The following AADAT variants were observed in gnomAD, a reference collection of about 807,000 sequenced individuals.
AADAT encodes the protein kynurenine/alpha-aminoadipate aminotransferase, mitochondrial.
AADAT carries 25 observed loss-of-function variants against 56.2 expected under a neutral mutation model. The ratio of observed to expected loss-of-function variants is 0.44; its 90% confidence interval spans 0.32 to 0.62. The LOEUF is 0.62. AADAT is among the 20% of genes least tolerant of loss of function. AADAT has a pLI of 0.04. For missense variants in AADAT, 387 were observed against 510.5 expected, an observed-to-expected ratio of 0.76 and a Z score of 2.33; for synonymous variants, 173 against 164.7, an observed-to-expected ratio of 1.05 and a Z score of -0.39.
upstream of AADAT, among the ~76,000 whole-genome samples, chr4:170,093,132 G>C (rs74703215): frequency 0.068 from 10,410 of 152,132 alleles, 492 homozygotes; most frequent in Non-Finnish European, 0.1. Flanking sequence ...ATACTTAGAA[G>C]AAAATTTAAA....
chr4:170,089,418 G>C lies in AADAT; in HGVS notation c.67+206C>G, dbSNP rs1220592301. On this transcript the variant is annotated intron_variant, in intron 1 of 12. Transcript: ENST00000337664. ...CTGTTGCTCCTACTCTGCTCCAGCA[G>C]AAATACCCGCCTTCCGTTTCAGCCC... The C allele has an allele frequency of 4.8e-6, 3 of 622,824 alleles. No homozygotes were observed. In the Admixed American group the frequency reaches 8.6e-5, roughly 18 times the overall value. 38.6% of individuals were successfully genotyped at this position (622,824 alleles called of 1,614,324 possible). A position where few individuals can be genotyped will look rare whatever the true frequency, so the allele number is the denominator to read the frequency against.
rs1285200473 is a variant in AADAT at position 170,067,371 on chromosome 4, A to G, written c.918T>C (p.Leu306=). The change falls in exon 9 of 13, where the codon CTT becomes CTC. Residue 306 remains leucine, a synonymous_variant. Transcript: ENST00000337664. ...AACCTTCTTCTCCCCATTCGTGTAGAAGCTGTGATATCATGAGCTAAAAGA... is the reference window on the plus strand; with the variant it reads ...AACCTTCTTCTCCCCATTCGTGTAGGAGCTGTGATATCATGAGCTAAAAGA... The part of the protein sequence containing the change: ...STFNQLMISQ[L]LHEWGEEGFM... 9.9e-6 allele frequency: 16 copies of G among 1,613,478 alleles called. No individual in the cohort carries two copies. The highest frequency in any genetic ancestry group is 1.2e-5 in the Non-Finnish European group (14 of 1,179,698).
At chr4:170,065,460 A>T (rs1320456767) in intron 10 of AADAT, among the ~76,000 whole-genome samples, 3 of 151,930 alleles carry the variant, frequency 2.0e-5, no homozygotes, top group Admixed American at 6.6e-5. Flanking sequence ...CTTCAGTACT[A>T]TTATGCAAAG....
intron 2 of AADAT, among the ~76,000 whole-genome samples, chr4:170,088,187 C>T (rs953626335): frequency 4.0e-5 from 6 of 151,810 alleles, no homozygotes; most frequent in African/African-American, 1.2e-4. Flanking sequence ...CTTTGAAAAC[C>T]TTTCCCCAGA....
chr4:170,091,332 C>T (rs999743672), upstream of AADAT, among the ~76,000 whole-genome samples: 1 of 152,136 alleles, frequency 6.6e-6, no homozygotes, highest in African/African-American at 2.4e-5. Context: ...AGCGGCGGGC[C>T]GGCTCCGCCA....
At chr4:170,089,340 C>A in intron 1 of AADAT, 1 of 577,916 alleles carries the variant, frequency 1.7e-6, no homozygotes. Context: ...TTCTTGATAG[C>A]ACGCCCCCTC....
chr4:170,069,269 C>T (rs1201249201), intron 6 of AADAT, 39 bp from the exon 7 acceptor site: 8 of 1,523,464 alleles, frequency 5.3e-6, no homozygotes, highest in Non-Finnish European at 7.3e-6. Context: ...GGTCTGAAAG[C>T]TCTGTTAGTC....
chr4:170,065,896 T>A (rs1731436654), intron 10 of AADAT, among the ~76,000 whole-genome samples: 1 of 152,198 alleles, frequency 6.6e-6, no homozygotes, highest in Non-Finnish European at 1.5e-5. Flanking sequence ...ATCAAAGGCA[T>A]TTTAATAATA....
At position 170,069,236 on chromosome 4, in the gene AADAT, A is replaced by G. The variant is rs1378360386; in HGVS notation, c.721-6T>C. 17 of 1,612,102 alleles carry G rather than the reference A, an allele frequency of 1.1e-5. No homozygotes were observed. In the East Asian group the frequency reaches 3.6e-4, roughly 34 times the overall value. On this transcript the variant is annotated splice_polypyrimidine_tract_variant and splice_region_variant and intron_variant, in intron 6 of 12. Transcript: ENST00000337664. ...AGAAATGTTGGTACCCTGAACTTAA[A>G]ATGAAAAATAAAAAATACTGTTGGT...
chr4:170,089,829 T>G lies in AADAT; in HGVS notation c.-139A>C, dbSNP rs1732748281. ...GATGTGTCCCCCCGCTGCGTCTGGC[T>G]TCCCGCGCGCGGTGCCCGGAGAACG... On this transcript the variant is annotated 5_prime_UTR_variant, in exon 1 of 13. Transcript: ENST00000337664. 14 of 846,312 alleles carry G rather than the reference T, an allele frequency of 1.7e-5. No individual in the cohort carries two copies. The highest frequency in any genetic ancestry group is 2.6e-5 in the Non-Finnish European group (14 of 535,316). The allele number at this position is 846,312 out of a possible 1,614,324, so 52.4% of individuals were successfully genotyped here.
chr4:170,064,114 G>A (rs1731327680), intron 11 of AADAT, among the ~76,000 whole-genome samples: 1 of 152,088 alleles, frequency 6.6e-6, no homozygotes, highest in African/African-American at 2.4e-5. Context: ...ACTATAAATG[G>A]TCACAAAATC....
Position 170,060,799 on chromosome 4 carries a change from G to T in AADAT, c.*129C>A, listed in dbSNP as rs1270888384. On this transcript the variant is annotated 3_prime_UTR_variant, in exon 13 of 13. Transcript: ENST00000337664. The stretch of plus-strand genomic sequence containing the variant: ...TGCAGGCCAGAGTGCATGCAGGCCA[G>T]AGTGCAGTGGTGTGATCGTAGCTTA... 2 of 612,568 alleles carry T rather than the reference G, an allele frequency of 3.3e-6. No homozygotes were observed. The highest frequency in any genetic ancestry group is 5.2e-6 in the Non-Finnish European group (2 of 384,586). The allele number at this position is 612,568 out of a possible 1,614,324, so 37.9% of individuals were successfully genotyped here.
rs936250790 is a variant in AADAT at position 170,060,381 on chromosome 4, T to C, written c.*547A>G. The C allele has an allele frequency of 2.0e-5, 3 of 152,272 alleles. No individual in the cohort carries two copies. The highest frequency in any genetic ancestry group is 7.2e-5 in the African/African-American group (3 of 41,482). The allele number at this position is 152,272 out of a possible 1,614,324, so 9.4% of individuals were successfully genotyped here. A position where few individuals can be genotyped will look rare whatever the true frequency, so the allele number is the denominator to read the frequency against. Reference sequence around the variant, plus strand: ...AAAAGTAGAAAAAGTACACATTATATACCATTTTGCACTTAATTACTTCTT... The same window carrying C: ...AAAAGTAGAAAAAGTACACATTATACACCATTTTGCACTTAATTACTTCTT... On this transcript the variant is annotated 3_prime_UTR_variant, in exon 13 of 13. Transcript: ENST00000337664.
intron 3 of AADAT, among the ~76,000 whole-genome samples, chr4:170,083,768 C>A (rs139061212): frequency 2.0e-5 from 3 of 152,182 alleles, no homozygotes; most frequent in African/African-American, 7.2e-5. Flanking sequence ...GAAAGGGGAA[C>A]CTTTATACAC....
At chr4:170,086,194 C>T (rs184828852) in intron 3 of AADAT, among the ~76,000 whole-genome samples, 52 of 151,000 alleles carry the variant, frequency 3.4e-4, no homozygotes, top group Admixed American at 1.1e-3. Flanking sequence ...TGCAGGGAGC[C>T]GTGATTGCGC....
At position 170,088,392 on chromosome 4, in the gene AADAT, T is replaced by C; in HGVS notation, c.236+4A>G. Reference sequence around the variant, plus strand: ...ATAAAATTATGTTAAGTATTGATACTTACCCAGCACTCGGAGAATACTGAA... The same window carrying C: ...ATAAAATTATGTTAAGTATTGATACCTACCCAGCACTCGGAGAATACTGAA... On this transcript the variant is annotated splice_donor_region_variant and intron_variant, in intron 2 of 12. Coordinates refer to ENST00000337664, the MANE Select transcript of AADAT (RefSeq NM_016228.4). The C allele has an allele frequency of 6.3e-7, 1 of 1,589,710 alleles. No individual in the cohort carries two copies. The highest frequency in any genetic ancestry group is 1.1e-5 in the South Asian group (1 of 88,976).
chr4:170,073,754 C>T (rs888333656), intron 4 of AADAT, among the ~76,000 whole-genome samples: 6 of 152,174 alleles, frequency 3.9e-5, no homozygotes, highest in African/African-American at 1.4e-4. Flanking sequence ...CCGCCTTGGC[C>T]TCCCAAAGTG....
At chr4:170,072,624 C>T (rs932936943) in intron 5 of AADAT, among the ~76,000 whole-genome samples, 12 of 152,078 alleles carry the variant, frequency 7.9e-5, no homozygotes, top group African/African-American at 2.4e-4. Context: ...CCAAAAAGCA[C>T]ATTTCTCTTA....
intron 9 of AADAT, 88 bp from the exon 10 acceptor site, chr4:170,066,566 G>A (rs1581570548): frequency 2.1e-6 from 2 of 941,956 alleles, no homozygotes; most frequent in East Asian, 4.8e-5. Flanking sequence ...ATAAGAATTT[G>A]TTTTCTATCT....
Sources: gnomAD v4.1 joint callset for allele counts (sites outside exome capture counted in the v4.1 genomes callset) on GRCh38, gnomAD v4.1.1 for gene constraint, MANE v1.5 for transcripts, NCBI Gene and HGNC (gene_info 2026-07-23, HGNC 2026-07-21) for gene names.